IMPG1: variants seen among roughly 807,000 people sequenced by gnomAD.
IMPG1 encodes interphotoreceptor matrix proteoglycan of 150 kDa.
IMPG1 carries 85 observed loss-of-function variants against 92.0 expected under a neutral mutation model. The ratio of observed to expected loss-of-function variants is 0.92; its 90% CI spans 0.78 to 1.11. IMPG1 has a LOEUF of 1.11. Ranked by LOEUF, IMPG1 falls within the 50% of genes least tolerant of loss-of-function variation. The pLI is 0.00. For missense variants in IMPG1, 1,022 were observed against 956.0 expected, an observed-to-expected ratio of 1.07 and a Z score of -0.91; for synonymous variants, 367 against 334.1, an observed-to-expected ratio of 1.10 and a Z score of -1.08.
chr6:75,976,769 G>T (rs537739635), intron 12 of IMPG1, among the ~76,000 whole-genome samples: 3 of 151,710 alleles, frequency 2.0e-5, no homozygotes, highest in Non-Finnish European at 4.4e-5. Context: ...AGAACTAGCC[G>T]GGCGTGGTGG....
intron 9 of IMPG1, among the ~76,000 whole-genome samples, chr6:76,006,220 G>A (rs1783094859): frequency 6.6e-6 from 1 of 151,738 alleles, no homozygotes; most frequent in East Asian, 1.9e-4. Flanking sequence ...TGCCAATCAG[G>A]AAGAAGGATG....
chr6:76,041,460 TAA>T (rs752247404), intron 2 of IMPG1, among the ~76,000 whole-genome samples: 25 of 152,240 alleles, frequency 1.6e-4, no homozygotes, highest in South Asian at 6.2e-4. Context: ...CACAAACTTA[TAA>T]GAGGATCTGG....
At chr6:76,024,398 T>TTA (rs67443151) in intron 5 of IMPG1, among the ~76,000 whole-genome samples, 94,022 of 151,214 alleles carry the variant, frequency 0.62, 29,460 homozygotes, top group South Asian at 0.67. Flanking sequence ...AAGTATTCTT[T>TTA]TATGTGAAAA....
intron 12 of IMPG1, among the ~76,000 whole-genome samples, chr6:75,995,573 C>T (rs1197032822): frequency 2.6e-5 from 4 of 152,046 alleles, no homozygotes; most frequent in Non-Finnish European, 4.4e-5. Flanking sequence ...ACATTGTTTC[C>T]TTAAGAGAGT....
At chr6:75,948,811 C>G (rs1781975896) in intron 13 of IMPG1, among the ~76,000 whole-genome samples, 1 of 152,090 alleles carries the variant, frequency 6.6e-6, no homozygotes, top group Non-Finnish European at 1.5e-5. Flanking sequence ...TGACTAGTTC[C>G]CACTAATATG....
In IMPG1 at chr6:75,934,416, G is replaced by A. The variant is rs72674548; in HGVS notation, c.2045-3265C>T. Among the ~76,000 whole-genome samples, 1,528 of 152,226 alleles carry A rather than the reference G, an allele frequency of 0.01. 78 individuals carry two copies. The East Asian group carries it at 0.17, about 17-fold the overall frequency. On this transcript the variant is annotated intron_variant, in intron 14 of 16. Coordinates refer to ENST00000369950, the MANE Select transcript of IMPG1 (RefSeq NM_001563.4). Reference sequence around the variant, plus strand: ...ATGTATCAGTTTCTTCCCTGGATTTGCTTACATAATGTCTTCTGTGTGCAT... The same window carrying A: ...ATGTATCAGTTTCTTCCCTGGATTTACTTACATAATGTCTTCTGTGTGCAT...
At chr6:75,936,291 G>A (rs1781744283) in intron 14 of IMPG1, among the ~76,000 whole-genome samples, 1 of 152,214 alleles carries the variant, frequency 6.6e-6, no homozygotes, top group South Asian at 2.1e-4. Flanking sequence ...AAAGCCAACG[G>A]AGGTGGCTCA....
chr6:75,994,334 T>C (rs545570361), intron 12 of IMPG1, among the ~76,000 whole-genome samples: 1 of 152,328 alleles, frequency 6.6e-6, no homozygotes, highest in East Asian at 1.9e-4. Flanking sequence ...ATAGAAATCT[T>C]GAATCCCTAG....
chr6:75,995,329 G>A (rs182120440), intron 12 of IMPG1, among the ~76,000 whole-genome samples: 3 of 152,262 alleles, frequency 2.0e-5, no homozygotes, highest in Admixed American at 2.0e-4. Flanking sequence ...AGGTGTCATT[G>A]TTTTTCTTAA....
chr6:76,052,883 G>A (rs2127596394), intron 1 of IMPG1, among the ~76,000 whole-genome samples: 1 of 152,282 alleles, frequency 6.6e-6, no homozygotes. Context: ...GGTAAGAACA[G>A]TTACACTAAG....
At chr6:75,987,992 G>A (rs1479622958) in intron 12 of IMPG1, among the ~76,000 whole-genome samples, 3 of 152,086 alleles carry the variant, frequency 2.0e-5, no homozygotes, top group Non-Finnish European at 4.4e-5. Context: ...TGGTGTATAC[G>A]TGCCACATTT....
intron 1 of IMPG1, among the ~76,000 whole-genome samples, chr6:76,067,760 C>T (rs1784336073): frequency 6.6e-6 from 1 of 152,076 alleles, no homozygotes; most frequent in Non-Finnish European, 1.5e-5. Context: ...GACCAATATC[C>T]CTGATTAACA....
chr6:76,050,592 TC>T (rs1246757178), intron 1 of IMPG1, among the ~76,000 whole-genome samples: 1 of 152,200 alleles, frequency 6.6e-6, no homozygotes, highest in Non-Finnish European at 1.5e-5. Context: ...ATAGGCCACA[TC>T]ATCTCCTTGT....
intron 1 of IMPG1, among the ~76,000 whole-genome samples, chr6:76,060,024 A>G (rs1257653640): frequency 6.6e-6 from 1 of 152,198 alleles, no homozygotes; most frequent in Non-Finnish European, 1.5e-5. Flanking sequence ...TGAAGCAGAA[A>G]CTTTTCACTA....
At chr6:75,982,865 C>T (rs1179027146) in intron 12 of IMPG1, among the ~76,000 whole-genome samples, 5 of 151,820 alleles carry the variant, frequency 3.3e-5, no homozygotes, top group South Asian at 2.1e-4. Flanking sequence ...TGAGGAACAC[C>T]CTCATCTTTA....
intron 2 of IMPG1, among the ~76,000 whole-genome samples, chr6:76,041,364 G>T (rs559391499): frequency 6.6e-6 from 1 of 152,250 alleles, no homozygotes; most frequent in South Asian, 2.1e-4. Flanking sequence ...TTATATCTTG[G>T]TAACCACTCT....
At chr6:76,028,193 T>G (rs1783584633) in intron 4 of IMPG1, among the ~76,000 whole-genome samples, 1 of 152,246 alleles carries the variant, frequency 6.6e-6, no homozygotes, top group African/African-American at 2.4e-5. Flanking sequence ...ATTTGTCAAT[T>G]GTGTTCCTAA....
chr6:76,033,205 C>T lies in IMPG1; in HGVS notation c.497+1110G>A, dbSNP rs148267434. Among the ~76,000 whole-genome samples, 5 of 152,260 alleles carry T rather than the reference C, an allele frequency of 3.3e-5. No individual in the cohort carries two copies. The East Asian group carries it at 9.7e-4, about 29-fold the overall frequency. ...GGAACTGAGCTGAAGCTGAAGAAGG[C>T]CAATAGGCCTTAAAGACTCTGCAGG... is the stretch of plus-strand genomic sequence containing the variant. On this transcript the variant is annotated intron_variant, in intron 4 of 16. Transcript: ENST00000369950.
Position 76,005,314 on chromosome 6 carries a change from C to G in IMPG1, c.1108G>C (p.Asp370His). 1.2e-6 allele frequency: 2 copies of G among 1,614,046 alleles called. No individual in the cohort carries two copies. The highest frequency in any genetic ancestry group is 1.7e-6 in the Non-Finnish European group (2 of 1,179,932). The change falls in exon 10 of 17, where the codon GAT becomes CAT. Residue 370 changes from aspartate (D) to histidine (H), a missense_variant. Asp to His is a moderately conservative substitution (Grantham distance 81). Around this residue, in one of 3 missense-constraint regions of IMPG1, gnomAD observed 681 missense variants for 583.6 expected, o/e 1.17. Transcript: ENST00000369950. ...SKALEEEQSL[D>H]VGTIQFTDEI... ...TCAGTGAACTGAATTGTCCCCACAT[C>G]CAAAGATTGTTCTTCCTCTAGTGCT... is the stretch of plus-strand genomic sequence containing the variant.
Sources: gnomAD v4.1 joint callset for allele counts (sites outside exome capture counted in the v4.1 genomes callset) on GRCh38, gnomAD v4.1.1 for gene constraint, gnomAD v4.1.1 regional missense constraint, MANE v1.5 for transcripts, NCBI Gene and HGNC (gene_info 2026-07-23, HGNC 2026-07-21) for gene names.